Variants in CLSTN2 observed in about 807,000 individuals in gnomAD.
The protein encoded by CLSTN2 is calsyntenin-2.
In CLSTN2, 48 loss-of-function variants were observed where a neutral mutation model predicts 101.2. The ratio of observed to expected loss-of-function variants is 0.47; its 90% CI spans 0.38 to 0.60. The LOEUF (loss-of-function observed/expected upper bound fraction) is 0.60. CLSTN2 is among the 20% of genes least tolerant of loss of function. The pLI is 0.00. For synonymous variants in CLSTN2, 481 were observed against 463.6 expected (o/e 1.04, Z -0.48); for missense variants, 1,160 against 1,238.2 (o/e 0.94, Z 0.95).
At chr3:140,257,010 C>T (rs1000852427) in intron 2 of CLSTN2, among the ~76,000 whole-genome samples, 2 of 152,054 alleles carry the variant, frequency 1.3e-5, no homozygotes, top group East Asian at 1.9e-4. Context: ...ATACATAGGC[C>T]GGGCGCGATG....
At chr3:140,269,219 G>A (rs2086720522) in intron 2 of CLSTN2, among the ~76,000 whole-genome samples, 1 of 152,180 alleles carries the variant, frequency 6.6e-6, no homozygotes, top group Non-Finnish European at 1.5e-5. Context: ...GTGGTACCTT[G>A]CTCAGTTTCT....
At chr3:140,515,235 T>C (rs1934894640) in intron 8 of CLSTN2, among the ~76,000 whole-genome samples, 1 of 139,006 alleles carries the variant, frequency 7.2e-6, no homozygotes, top group South Asian at 2.1e-4. Flanking sequence ...GTTTCATTTC[T>C]AATGGAGCTT....
chr3:140,139,600 G>T (rs1202895365), intron 1 of CLSTN2, among the ~76,000 whole-genome samples: 1 of 152,194 alleles, frequency 6.6e-6, no homozygotes, highest in Non-Finnish European at 1.5e-5. Context: ...TCCCCAGCTG[G>T]TTCCAATGTG....
At chr3:140,002,663 A>G (rs1355163308) in intron 1 of CLSTN2, among the ~76,000 whole-genome samples, 4 of 152,184 alleles carry the variant, frequency 2.6e-5, no homozygotes, top group Non-Finnish European at 4.4e-5. Flanking sequence ...AGTTTCCCCA[A>G]CGTTTTCTTG....
Position 140,421,231 on chromosome 3 carries a change from G to A in CLSTN2, c.744G>A (p.Leu248=). Reference sequence around the variant, plus strand: ...AGAAGCCCGCTGCTCAGGACACCCTGGTGCAGGTGGATGTGAAGCCAGTTT... The same window carrying A: ...AGAAGCCCGCTGCTCAGGACACCCTAGTGCAGGTGGATGTGAAGCCAGTTT... The part of the protein sequence containing the change: ...CGQKPAAQDT[L]VQVDVKPVCK... Residue 248 remains leucine (L), a synonymous_variant, in exon 5 of 17, where the codon CTG becomes CTA. Coordinates refer to ENST00000458420, the MANE Select transcript of CLSTN2 (RefSeq NM_022131.3). The A allele has an allele frequency of 6.2e-7, 1 of 1,614,172 alleles. No homozygotes were observed. The highest frequency in any genetic ancestry group is 1.1e-5 in the South Asian group (1 of 91,082).
chr3:140,002,673 G>A (rs1490409330), intron 1 of CLSTN2, among the ~76,000 whole-genome samples: 2 of 152,058 alleles, frequency 1.3e-5, no homozygotes, highest in African/African-American at 2.4e-5. Flanking sequence ...ACGTTTTCTT[G>A]TAGTAGTTTC....
chr3:140,233,500 C>T (rs981643735), intron 2 of CLSTN2, among the ~76,000 whole-genome samples: 7 of 152,286 alleles, frequency 4.6e-5, no homozygotes, highest in East Asian at 1.9e-4. Flanking sequence ...TTATTTATCC[C>T]ATATTTATCT....
chr3:140,057,443 G>A (rs1410210810), intron 1 of CLSTN2, among the ~76,000 whole-genome samples: 3 of 152,184 alleles, frequency 2.0e-5, no homozygotes, highest in Admixed American at 6.5e-5. Flanking sequence ...CCTGACAGTA[G>A]CAACGTTCTT....
chr3:139,955,771 T>A (rs890117590), intron 1 of CLSTN2, among the ~76,000 whole-genome samples: 5 of 152,160 alleles, frequency 3.3e-5, no homozygotes, highest in African/African-American at 1.2e-4. Context: ...GCTACAGTGG[T>A]CTCTATGCTC....
intron 1 of CLSTN2, among the ~76,000 whole-genome samples, chr3:140,104,096 A>G (rs2009012889): frequency 6.6e-6 from 1 of 152,208 alleles, no homozygotes; most frequent in African/African-American, 2.4e-5. Context: ...CACAGCTTTA[A>G]TCAGAATATT....
At chr3:140,198,277 G>A (rs1346275874) in intron 2 of CLSTN2, among the ~76,000 whole-genome samples, 1 of 152,190 alleles carries the variant, frequency 6.6e-6, no homozygotes, top group Non-Finnish European at 1.5e-5. Context: ...TGCCTTTGGG[G>A]CACCTGTATG....
At chr3:140,245,688 T>A (rs989167388) in intron 2 of CLSTN2, among the ~76,000 whole-genome samples, 1 of 151,982 alleles carries the variant, frequency 6.6e-6, no homozygotes, top group East Asian at 1.9e-4. Flanking sequence ...AACTGACAAA[T>A]GTTGGAGTTG....
At chr3:140,456,496 A>T (rs1933401667) in intron 6 of CLSTN2, among the ~76,000 whole-genome samples, 1 of 152,224 alleles carries the variant, frequency 6.6e-6, no homozygotes, top group Non-Finnish European at 1.5e-5. Flanking sequence ...GTAACTATAA[A>T]AAATAAGGTT....
At chr3:140,170,193 G>A (rs2010190835) in intron 1 of CLSTN2, among the ~76,000 whole-genome samples, 1 of 152,060 alleles carries the variant, frequency 6.6e-6, no homozygotes, top group Non-Finnish European at 1.5e-5. Flanking sequence ...CAAATAATGT[G>A]GTCCTCAAAA....
chr3:140,459,541 G>T lies in CLSTN2; in HGVS notation c.994G>T (p.Asp332Tyr). The T allele has an allele frequency of 1.2e-6, 2 of 1,613,986 alleles. No homozygotes were observed. The highest frequency in any genetic ancestry group is 2.2e-5 in the South Asian group (2 of 91,034). The part of the protein sequence containing the change: ...KLCGASSGII[D>Y]LLPSPSAATN... Reference sequence around the variant, plus strand: ...TGCAGGAGCCTCCTCTGGCATCATTGACCTCTTGCCATCCCCTAGCGCTGC... The same window carrying T: ...TGCAGGAGCCTCCTCTGGCATCATTTACCTCTTGCCATCCCCTAGCGCTGC... Residue 332 changes from aspartate to tyrosine, a missense_variant, in exon 7 of 17, where the codon GAC becomes TAC. Asp to Tyr is a radical substitution (Grantham distance 160, BLOSUM62 -3). Coordinates refer to ENST00000458420, the MANE Select transcript of CLSTN2 (RefSeq NM_022131.3).
chr3:140,332,013 A>G (rs1170813738), intron 2 of CLSTN2, among the ~76,000 whole-genome samples: 2 of 152,176 alleles, frequency 1.3e-5, no homozygotes, highest in Non-Finnish European at 1.5e-5. Flanking sequence ...GACATGAATC[A>G]ATTCAATCCC....
At chr3:140,299,254 G>A (rs1050644888) in intron 2 of CLSTN2, among the ~76,000 whole-genome samples, 12 of 152,228 alleles carry the variant, frequency 7.9e-5, no homozygotes, top group Admixed American at 2.6e-4. Flanking sequence ...TCACTCATCA[G>A]ATCTTAATTT....
At chr3:140,426,724 A>T (rs933133264) in intron 5 of CLSTN2, among the ~76,000 whole-genome samples, 1 of 152,204 alleles carries the variant, frequency 6.6e-6, no homozygotes, top group Non-Finnish European at 1.5e-5. Context: ...ACCTGATGTT[A>T]TATGGGGCCC....
At chr3:140,240,174 C>CTCTCTCTCTCTATATATATA (rs1311225528) in intron 2 of CLSTN2, among the ~76,000 whole-genome samples, 1 of 13,352 alleles carries the variant, frequency 7.5e-5, no homozygotes, top group Non-Finnish European at 3.5e-4. Flanking sequence ...CTCTCTCTCT[C>CTCTCTCTCTCTATATATATA]TATATATATA....
Sources: allele counts gnomAD v4.1 joint callset (sites outside exome capture counted in the v4.1 genomes callset), GRCh38; gene constraint gnomAD v4.1.1; transcripts MANE v1.5; gene names NCBI Gene and HGNC (gene_info 2026-07-23, HGNC 2026-07-21).